The following TBC1D9 variants were observed in gnomAD, a reference collection of about 807,000 sequenced individuals.
TBC1D9 encodes the protein TBC1 domain family member 9A.
TBC1D9 carries 63 observed loss-of-function variants against 132.0 expected under a neutral mutation model. The ratio of observed to expected loss-of-function variants is 0.48; its 90% CI spans 0.39 to 0.59. The LOEUF (loss-of-function observed/expected upper bound fraction) is 0.59, where lower values mean the gene tolerates loss of function less well. TBC1D9 is among the 20% of genes least tolerant of loss of function. The pLI is 0.00. For missense variants in TBC1D9, 1,261 were observed against 1,592.7 expected (o/e 0.79, Z 3.54); for synonymous variants, 610 against 609.9 (o/e 1.00, Z 0.00).
At chr4:140,705,327 A>G (rs1241973360) in intron 1 of TBC1D9, among the ~76,000 whole-genome samples, 1 of 152,044 alleles carries the variant, frequency 6.6e-6, no homozygotes, top group Non-Finnish European at 1.5e-5. Flanking sequence ...TATAATGCCT[A>G]TTACATTTGT....
At chr4:140,679,349 G>T in intron 4 of TBC1D9, 146 bp from the exon 5 acceptor site, 2 of 891,978 alleles carry the variant, frequency 2.2e-6, no homozygotes, top group Non-Finnish European at 3.4e-6. Flanking sequence ...ATTTTAAGAG[G>T]TAAATCTGGG....
chr4:140,650,164 T>G (rs1250846671), intron 13 of TBC1D9, among the ~76,000 whole-genome samples: 1 of 152,262 alleles, frequency 6.6e-6, no homozygotes, highest in Admixed American at 6.5e-5. Flanking sequence ...CTAAGCACAG[T>G]GCCCAGTATC....
At chr4:140,747,769 G>A in intron 1 of TBC1D9, among the ~76,000 whole-genome samples, 1 of 152,166 alleles carries the variant, frequency 6.6e-6, no homozygotes, top group Admixed American at 6.5e-5. Flanking sequence ...TACCACCAAA[G>A]AGGTAGGGCA....
intron 1 of TBC1D9, among the ~76,000 whole-genome samples, chr4:140,719,225 TA>T (rs1414977696): frequency 6.6e-6 from 1 of 152,172 alleles, no homozygotes; most frequent in Non-Finnish European, 1.5e-5. Flanking sequence ...ACAAGTCACT[TA>T]GCTTCTCTGA....
chr4:140,652,171 G>A (rs188521652), intron 13 of TBC1D9, among the ~76,000 whole-genome samples: 10 of 151,990 alleles, frequency 6.6e-5, no homozygotes, highest in Non-Finnish European at 1.2e-4. Context: ...AACCCCGGAG[G>A]TGGAGGTTGC....
At chr4:140,713,722 A>C (rs1307032619) in intron 1 of TBC1D9, among the ~76,000 whole-genome samples, 2 of 150,086 alleles carry the variant, frequency 1.3e-5, no homozygotes, top group Non-Finnish European at 2.9e-5. Flanking sequence ...TGGGAGACAG[A>C]GTGAGACCCT....
chr4:140,638,845 A>AT lies in TBC1D9; in HGVS notation c.2505+240dup, dbSNP rs537627550. ...AATAAGTATTATGAAGCAATAACCT[A>AT]TTTTTTTAGGTTCAAGTAAACAACT... On this transcript the variant is annotated intron_variant, in intron 15 of 20. Transcript: ENST00000442267. Among the ~76,000 whole-genome samples the AT allele has an allele frequency of 8.3e-4, 126 of 152,286 alleles. 1 individual carries two copies. Among genetic ancestry groups the AT allele is most frequent in the African/African-American group, 2.8e-3 (118 of 41,576 alleles).
chr4:140,727,148 C>T (rs956864832), intron 1 of TBC1D9, among the ~76,000 whole-genome samples: 2 of 152,146 alleles, frequency 1.3e-5, no homozygotes, highest in South Asian at 4.1e-4. Context: ...GTATACAGAT[C>T]CCCAGCAGTT....
At chr4:140,731,806 G>A (rs760525787) in intron 1 of TBC1D9, among the ~76,000 whole-genome samples, 10 of 151,944 alleles carry the variant, frequency 6.6e-5, no homozygotes, top group South Asian at 4.2e-4. Context: ...AAAAAAACAC[G>A]CTGGTGGAAT....
At chr4:140,641,089 G>GAAAAAAAAAA (rs1560869533) in intron 13 of TBC1D9, among the ~76,000 whole-genome samples, 1 of 15,148 alleles carries the variant, frequency 6.6e-5, no homozygotes, top group African/African-American at 5.0e-4. Context: ...ATAATACTAA[G>GAAAAAAAAAA]CAAAAAAAAA....
chr4:140,628,280 G>C lies in TBC1D9; in HGVS notation c.2812+20C>G. The C allele has an allele frequency of 1.2e-6, 2 of 1,612,540 alleles. No homozygotes were observed. The highest frequency in any genetic ancestry group is 1.3e-5 in the African/African-American group (1 of 75,028). On this transcript the variant is annotated intron_variant, in intron 17 of 20. Coordinates refer to ENST00000442267, the MANE Select transcript of TBC1D9 (RefSeq NM_015130.3). ...GGTCATGGTTACAGACACAAGTACT[G>C]CTCCATGTAGCTCACTCACCAGGCA... is the stretch of plus-strand genomic sequence containing the variant.
intron 1 of TBC1D9, among the ~76,000 whole-genome samples, chr4:140,713,599 T>G (rs560598426): frequency 6.5e-4 from 98 of 151,878 alleles, no homozygotes; most frequent in Admixed American, 2.0e-3. Flanking sequence ...TTAAGCAAGG[T>G]GTAGTGGTGC....
intron 1 of TBC1D9, among the ~76,000 whole-genome samples, chr4:140,728,500 GT>G (rs1343371651): frequency 6.6e-6 from 1 of 151,144 alleles, no homozygotes; most frequent in Non-Finnish European, 1.5e-5. Flanking sequence ...TTGTTTGTTT[GT>G]TTTGTTTTTT....
At chr4:140,624,537 C>T (rs1736676746) in intron 18 of TBC1D9, 149 bp from the exon 19 acceptor site, 1 of 679,762 alleles carries the variant, frequency 1.5e-6, no homozygotes, top group Non-Finnish European at 2.4e-6. Flanking sequence ...CAAAACAAAA[C>T]AAAACATTCA....
At chr4:140,642,331 C>G in intron 13 of TBC1D9, 1 of 787,318 alleles carries the variant, frequency 1.3e-6, no homozygotes, top group South Asian at 1.5e-5. Context: ...AACCCCACCC[C>G]TATCTTCCTG....
intron 1 of TBC1D9, among the ~76,000 whole-genome samples, chr4:140,748,732 T>A (rs1382142773): frequency 3.9e-5 from 6 of 152,050 alleles, no homozygotes; most frequent in Non-Finnish European, 8.8e-5. Context: ...GAAAGCATAA[T>A]AAAGACATTT....
At chr4:140,697,697 A>G (rs548422263) in intron 2 of TBC1D9, among the ~76,000 whole-genome samples, 4 of 152,354 alleles carry the variant, frequency 2.6e-5, no homozygotes, top group African/African-American at 9.6e-5. Context: ...TCATAGGAGT[A>G]TTCACAGGAA....
Position 140,622,187 on chromosome 4 carries a change from C to T in TBC1D9, c.*8G>A, listed in dbSNP as rs765900374. 1.3e-5 allele frequency: 21 copies of T among 1,563,582 alleles called. No homozygotes were observed. The highest frequency in any genetic ancestry group is 2.7e-5 in the African/African-American group (2 of 74,204). On this transcript the variant is annotated 3_prime_UTR_variant, in exon 21 of 21. Transcript: ENST00000442267. ...CTCTCCTCCCACTCCCCCGGGAAGG[C>T]GCCCGTGTCAGCCGGACATGGCCGA...
At chr4:140,645,234 C>T (rs1025408595) in intron 13 of TBC1D9, 17 of 532,864 alleles carry the variant, frequency 3.2e-5, no homozygotes, top group Admixed American at 1.4e-4. Flanking sequence ...GTGTCTGGCC[C>T]GGTGTCCACA....
Sources: allele counts gnomAD v4.1 joint callset (sites outside exome capture counted in the v4.1 genomes callset), GRCh38; gene constraint gnomAD v4.1.1; transcripts MANE v1.5; gene names NCBI Gene and HGNC (gene_info 2026-07-23, HGNC 2026-07-21).